Variants in CNTN4 observed in about 807,000 individuals in gnomAD.
CNTN4 encodes the protein contactin-4.
A neutral mutation model predicts 122.5 loss-of-function variants in CNTN4; 77 were observed. That is an observed-to-expected ratio of 0.63 (90% CI 0.52 to 0.76). CNTN4 has a LOEUF of 0.76. Among genes scored for constraint, CNTN4 ranks in the 30% least tolerant of loss-of-function variants. The pLI, the probability that CNTN4 is intolerant of heterozygous loss-of-function variation, is 0.00. For missense variants in CNTN4, 1,256 were observed against 1,259.1 expected, an observed-to-expected ratio of 1.00 and a Z score of 0.04; for synonymous variants, 512 against 447.0, an observed-to-expected ratio of 1.15 and a Z score of -1.83.
At chr3:2,339,418 GA>G (rs1372263027) in intron 3 of CNTN4, among the ~76,000 whole-genome samples, 185 bp downstream of exon 3, 5 of 152,142 alleles carry the variant, frequency 3.3e-5, no homozygotes, top group Non-Finnish European at 7.4e-5. Context: ...CTGAAACTAA[GA>G]AATAGGGACT....
At chr3:2,924,125 G>A (rs183770107) in intron 12 of CNTN4, among the ~76,000 whole-genome samples, 12 of 151,976 alleles carry the variant, frequency 7.9e-5, no homozygotes, top group Admixed American at 5.2e-4. Context: ...AGCCCCAGGT[G>A]TACATTGCAT....
At chr3:2,476,292 A>G (rs1172393890) in intron 3 of CNTN4, among the ~76,000 whole-genome samples, 1 of 152,146 alleles carries the variant, frequency 6.6e-6, no homozygotes, top group African/African-American at 2.4e-5. Context: ...GAGTGAGCCA[A>G]TGTCAGTTAA....
chr3:2,776,882 A>G (rs1479164695), intron 6 of CNTN4, among the ~76,000 whole-genome samples: 1 of 152,212 alleles, frequency 6.6e-6, no homozygotes, highest in African/African-American at 2.4e-5. Context: ...TAGGTATACG[A>G]TGCAGAGACT....
intron 2 of CNTN4, among the ~76,000 whole-genome samples, chr3:2,107,538 C>A (rs935718299): frequency 6.6e-6 from 1 of 152,118 alleles, no homozygotes; most frequent in African/African-American, 2.4e-5. Flanking sequence ...CTCCCATGAT[C>A]CAGTCACCTC....
intron 2 of CNTN4, among the ~76,000 whole-genome samples, chr3:2,334,478 C>A (rs1434324858): frequency 6.6e-6 from 1 of 152,250 alleles, no homozygotes; most frequent in Non-Finnish European, 1.5e-5. Context: ...TTTTGAAGAA[C>A]CTTTCAAGGT....
intron 7 of CNTN4, among the ~76,000 whole-genome samples, chr3:2,821,748 C>T (rs1024638206): frequency 1.1e-4 from 16 of 152,170 alleles, no homozygotes; most frequent in African/African-American, 3.4e-4. Context: ...ATTAGGATTC[C>T]ACTAAGGTCT....
At chr3:2,801,541 A>G (rs2092346802) in intron 6 of CNTN4, among the ~76,000 whole-genome samples, 2 of 152,200 alleles carry the variant, frequency 1.3e-5, no homozygotes, top group Admixed American at 6.5e-5. Flanking sequence ...ATCTTGGTAA[A>G]ATAATGAAGA....
intron 13 of CNTN4, among the ~76,000 whole-genome samples, chr3:2,973,418 G>T (rs1374774550): frequency 6.6e-6 from 1 of 151,994 alleles, no homozygotes; most frequent in Non-Finnish European, 1.5e-5. Context: ...CCCAGACACT[G>T]ATTTCTCTAT....
intron 14 of CNTN4, among the ~76,000 whole-genome samples, chr3:3,017,519 TC>T (rs1697868213): frequency 6.6e-6 from 1 of 152,192 alleles, no homozygotes; most frequent in African/African-American, 2.4e-5. Flanking sequence ...GGAGCTGAGC[TC>T]CCTTCCAGGA....
intron 2 of CNTN4, among the ~76,000 whole-genome samples, chr3:2,139,070 C>T (rs2034852469): frequency 6.6e-6 from 1 of 152,098 alleles, no homozygotes; most frequent in Admixed American, 6.5e-5. Context: ...AATGGGGGAG[C>T]ATGTGGCCTT....
At chr3:2,505,925 A>T (rs1370042436) in intron 3 of CNTN4, among the ~76,000 whole-genome samples, 1 of 152,228 alleles carries the variant, frequency 6.6e-6, no homozygotes, top group East Asian at 1.9e-4. Context: ...TTCTGAAAGC[A>T]TGGAGGAAGA....
chr3:2,260,125 G>A (rs993789939), intron 2 of CNTN4, among the ~76,000 whole-genome samples: 1 of 152,106 alleles, frequency 6.6e-6, no homozygotes, highest in Non-Finnish European at 1.5e-5. Context: ...GCCCAAGAAT[G>A]GGGATAGCAA....
chr3:2,717,283 T>C (rs758233514), intron 4 of CNTN4, among the ~76,000 whole-genome samples: 1 of 152,128 alleles, frequency 6.6e-6, no homozygotes, highest in Non-Finnish European at 1.5e-5. Context: ...GCAAATAATA[T>C]GGTTTTTTAT....
At chr3:2,705,258 C>G (rs1047153762) in intron 4 of CNTN4, among the ~76,000 whole-genome samples, 5 of 147,544 alleles carry the variant, frequency 3.4e-5, no homozygotes, top group Non-Finnish European at 1.5e-5. Flanking sequence ...GTCCCAGCTA[C>G]TCGGGAAGCT....
chr3:2,849,987 T>G (rs1257952211), intron 7 of CNTN4, among the ~76,000 whole-genome samples: 1 of 102,662 alleles, frequency 9.7e-6, no homozygotes, highest in African/African-American at 3.4e-5. Context: ...TAGCAATCAC[T>G]TTTTTTTCTT....
At chr3:2,296,450 T>A (rs1166899244) in intron 2 of CNTN4, among the ~76,000 whole-genome samples, 1 of 151,254 alleles carries the variant, frequency 6.6e-6, no homozygotes, top group African/African-American at 2.4e-5. Flanking sequence ...TTTAATTATT[T>A]CAGTGGAAGT....
chr3:2,146,674 G>A (rs1329446244), intron 2 of CNTN4, among the ~76,000 whole-genome samples: 1 of 152,050 alleles, frequency 6.6e-6, no homozygotes, highest in Non-Finnish European at 1.5e-5. Flanking sequence ...AATGTAGTGT[G>A]GTGGGAAAGA....
intron 2 of CNTN4, among the ~76,000 whole-genome samples, chr3:2,169,486 A>G (rs1278052314): frequency 4.6e-5 from 7 of 151,888 alleles, no homozygotes; most frequent in Non-Finnish European, 1.0e-4. Flanking sequence ...GGCTCACTGC[A>G]AGCTCCGCCT....
chr3:2,539,491 T>C (rs1420800373), intron 3 of CNTN4, among the ~76,000 whole-genome samples: 1 of 152,116 alleles, frequency 6.6e-6, no homozygotes, highest in African/African-American at 2.4e-5. Flanking sequence ...TCTCCACTTA[T>C]GATAATAATC....
Sources: allele counts gnomAD v4.1 joint callset (sites outside exome capture counted in the v4.1 genomes callset), GRCh38; gene constraint gnomAD v4.1.1; transcripts MANE v1.5; gene names NCBI Gene and HGNC (gene_info 2026-07-23, HGNC 2026-07-21).